MARCHF2: variants seen among roughly 807,000 people sequenced by gnomAD.
MARCHF2 encodes E3 ubiquitin-protein ligase MARCHF2.
MARCHF2 carries 22 observed loss-of-function variants against 24.0 expected under a neutral mutation model. The observed-to-expected ratio is 0.92, with a 90% CI of 0.66 to 1.31. MARCHF2 has a LOEUF of 1.31. Among genes scored for constraint, MARCHF2 ranks in the 50% most tolerant of loss-of-function variants. MARCHF2 has a pLI of 0.00. For missense variants in MARCHF2, 301 were observed against 335.3 expected, an observed-to-expected ratio of 0.90 and a Z score of 0.80; for synonymous variants, 154 against 153.0, an observed-to-expected ratio of 1.01 and a Z score of -0.05.
At chr19:8,433,812 C>T (rs865910208) in intron 4 of MARCHF2, among the ~76,000 whole-genome samples, 13 of 150,580 alleles carry the variant, frequency 8.6e-5, no homozygotes, top group African/African-American at 2.9e-4. Context: ...TACAGTGAGC[C>T]AAGATCGTGC....
rs778789981 is a variant in MARCHF2 at position 8,430,653 on chromosome 19, T to G, written c.373-5T>G. The G allele has an allele frequency of 3.1e-6, 5 of 1,606,094 alleles. No individual in the cohort carries two copies. In the East Asian group the frequency reaches 1.1e-4, roughly 36 times the overall value. The stretch of plus-strand genomic sequence containing the variant: ...CTCCTCTGCCCCCTATCCTCTCCCC[T>G]GCAGTGGCTGAAGGACCCGGGGCCG... On this transcript the variant is annotated splice_polypyrimidine_tract_variant and splice_region_variant and intron_variant, in intron 3 of 4. Transcript: ENST00000215555. The surrounding 1 kb of genome is among the most constrained non-coding windows in gnomAD (Gnocchi z 4.4).
intron 4 of MARCHF2, among the ~76,000 whole-genome samples, chr19:8,435,327 T>A (rs1599717808): frequency 6.6e-6 from 1 of 151,902 alleles, no homozygotes; most frequent in South Asian, 2.1e-4. Flanking sequence ...CATTTTTAAA[T>A]TTTTTTATAG....
intron 1 of MARCHF2, among the ~76,000 whole-genome samples, chr19:8,421,468 C>T (rs1967241571): frequency 7.4e-6 from 1 of 135,662 alleles, no homozygotes; most frequent in Non-Finnish European, 1.5e-5. Context: ...ACCTCGTGAT[C>T]CACCCGCCTC....
intron 3 of MARCHF2, chr19:8,427,873 T>C (rs1185315141): frequency 6.8e-6 from 1 of 146,602 alleles, no homozygotes; most frequent in African/African-American, 2.5e-5. Flanking sequence ...CCTAGCACTT[T>C]GGGAGGCCAA....
rs920034142 is a variant in MARCHF2, at chr19:8,418,135, G to A, written c.-52-3654G>A. 2.0e-5 allele frequency among the ~76,000 whole-genome samples: 3 copies of A among 152,084 alleles called. No individual in the cohort carries two copies. The South Asian group carries it at 6.2e-4, about 32-fold the overall frequency. Reference sequence around the variant, plus strand: ...AGGGCTGGGCTGGAGGAAAGGACTCGCCTCTGCCTGCCTTCCCGTAAAGAG... The same window carrying A: ...AGGGCTGGGCTGGAGGAAAGGACTCACCTCTGCCTGCCTTCCCGTAAAGAG... On this transcript the variant is annotated intron_variant, in intron 1 of 4. Transcript: ENST00000215555.
chr19:8,420,572 C>T (rs1235119292), intron 1 of MARCHF2, among the ~76,000 whole-genome samples: 4 of 151,006 alleles, frequency 2.6e-5, no homozygotes, highest in Non-Finnish European at 4.4e-5. Context: ...GTTCTGATAC[C>T]TTATCTGGAA....
At chr19:8,424,141 G>C (rs1967331598) in intron 2 of MARCHF2, among the ~76,000 whole-genome samples, 1 of 152,148 alleles carries the variant, frequency 6.6e-6, no homozygotes, top group Non-Finnish European at 1.5e-5. Context: ...TGGCCTCTGG[G>C]CCACGCCCCC....
intron 4 of MARCHF2, among the ~76,000 whole-genome samples, chr19:8,434,497 C>A (rs530167244): frequency 1.3e-5 from 2 of 151,578 alleles, no homozygotes; most frequent in Non-Finnish European, 2.9e-5. Context: ...ACACACACAA[C>A]GAGGCAGCCA....
intron 1 of MARCHF2, among the ~76,000 whole-genome samples, chr19:8,415,082 G>A (rs1338434923): frequency 2.0e-5 from 3 of 152,136 alleles, no homozygotes; most frequent in Non-Finnish European, 4.4e-5. Flanking sequence ...TGTAATTATT[G>A]GTTTGTTGTG....
rs993825799 is a variant in MARCHF2, at chr19:8,430,664, A to G, written c.379A>G (p.Lys127Glu). Residue 127 changes from lysine to glutamate, a missense_variant, in exon 4 of 5, where the codon AAG (lysine) becomes GAG (glutamate). Transcript: ENST00000215555. This position sits in a 1 kb window ranked among gnomAD's most constrained non-coding sequence, Gnocchi z 4.4. ...KRPRPLTEWL[K>E]DPGPRTEKRT... is the part of the protein sequence containing the mutation. ...CCTATCCTCTCCCCTGCAGTGGCTG[A>G]AGGACCCGGGGCCGCGGACGGAGAA... 4 of 1,607,392 alleles carry G rather than the reference A, an allele frequency of 2.5e-6. No homozygotes were observed. The African/African-American group carries it at 4.0e-5, about 16-fold the overall frequency.
chr19:8,427,338 C>T (rs1056579025), intron 3 of MARCHF2, among the ~76,000 whole-genome samples: 9 of 152,000 alleles, frequency 5.9e-5, no homozygotes, highest in African/African-American at 1.7e-4. Context: ...CATGAGCCAC[C>T]GCTCCCAGCC....
At position 8,438,424 on chromosome 19, in the gene MARCHF2, T is replaced by G; in HGVS notation, c.619T>G (p.Trp207Gly). 6.2e-7 allele frequency: 1 copy of G among 1,613,828 alleles called. No homozygotes were observed. The highest frequency in any genetic ancestry group is 8.5e-7 in the Non-Finnish European group (1 of 1,179,978). The stretch of plus-strand genomic sequence containing the variant: ...CTACCACTGCCAGCTGTACTCCGAG[T>G]GGAGAAAGACCAACCAGAAAGTTCG... The part of the protein sequence containing the change: ...FRYHCQLYSE[W>G]RKTNQKVRLK... Residue 207 changes from tryptophan (W) to glycine (G), a missense_variant, in exon 5 of 5, where the codon TGG (tryptophan) becomes GGG (glycine). By Grantham distance (184) the Trp-to-Gly change is radical. Transcript: ENST00000215555.
intron 3 of MARCHF2, among the ~76,000 whole-genome samples, chr19:8,429,073 A>T (rs1321607413): frequency 1.3e-5 from 2 of 151,962 alleles, no homozygotes; most frequent in Non-Finnish European, 2.9e-5. Flanking sequence ...ACAGCCACAC[A>T]GCCCCCTCCC....
At chr19:8,428,085 C>T (rs946939981) in intron 3 of MARCHF2, among the ~76,000 whole-genome samples, 6 of 152,146 alleles carry the variant, frequency 3.9e-5, no homozygotes, top group Non-Finnish European at 5.9e-5. Flanking sequence ...ATGGTGAAAC[C>T]CCATCTCTAC....
intron 1 of MARCHF2, among the ~76,000 whole-genome samples, chr19:8,421,382 C>CTTTTTTTTTTTTTCTT (rs1967235130): frequency 9.0e-6 from 1 of 111,622 alleles, no homozygotes; most frequent in Non-Finnish European, 1.8e-5. Context: ...TCTTTCTTTT[C>CTTTTTTTTTTTTTCTT]TTTTTTTTTT....
At chr19:8,423,306 C>G (rs1009214281) in intron 2 of MARCHF2, 1 of 151,790 alleles carries the variant, frequency 6.6e-6, no homozygotes, top group Non-Finnish European at 1.5e-5. Flanking sequence ...ATGACCCACC[C>G]ACCTCGGCCT....
chr19:8,413,815 C>T (rs1249199564), intron 1 of MARCHF2: 1 of 152,212 alleles, frequency 6.6e-6, no homozygotes, highest in Non-Finnish European at 1.5e-5. Context: ...ATATAATGAC[C>T]CAGCCACTTT....
chr19:8,438,762 A>G lies in MARCHF2; in HGVS notation c.*216A>G. ...TTTTTTTTTTTTGCATATGGAGGAC[A>G]GGTGGACATGGTCCTGAGCTCTGGA... On this transcript the variant is annotated 3_prime_UTR_variant, in exon 5 of 5. Coordinates refer to ENST00000215555, the MANE Select transcript of MARCHF2 (RefSeq NM_001005415.2). The G allele has an allele frequency of 1.9e-6, 1 of 528,828 alleles. No homozygotes were observed. The highest frequency in any genetic ancestry group is 2.3e-5 in the South Asian group (1 of 43,242). 32.8% of individuals were successfully genotyped at this position (528,828 alleles called of 1,614,324 possible).
At chr19:8,428,354 T>C (rs560213090) in intron 3 of MARCHF2, among the ~76,000 whole-genome samples, 101 of 150,230 alleles carry the variant, frequency 6.7e-4, no homozygotes, top group African/African-American at 2.3e-3. Context: ...CTAGGGAGGC[T>C]GAGGCAGGAG....
Sources: allele counts gnomAD v4.1 joint callset (sites outside exome capture counted in the v4.1 genomes callset), GRCh38; gene constraint gnomAD v4.1.1; non-coding constraint Gnocchi (gnomAD v3.1); transcripts MANE v1.5; gene names NCBI Gene and HGNC (gene_info 2026-07-23, HGNC 2026-07-21).